The following DLGAP2 variants were observed in gnomAD, a reference collection of about 807,000 sequenced individuals.
The protein encoded by DLGAP2 is DLG associated protein 2.
A neutral mutation model predicts 100.3 loss-of-function variants in DLGAP2; 26 were observed. That is an observed-to-expected ratio of 0.26 (90% CI 0.19 to 0.36). DLGAP2 has a LOEUF of 0.36. DLGAP2 is among the 10% of genes least tolerant of loss of function. The pLI, the probability that DLGAP2 is intolerant of heterozygous loss-of-function variation, is 1.00. For missense variants in DLGAP2, 1,858 were observed against 1,453.2 expected (o/e 1.28, Z -4.53); for synonymous variants, 886 against 630.1 (o/e 1.41, Z -6.08).
intron 2 of DLGAP2, among the ~76,000 whole-genome samples, chr8:1,102,738 C>G (rs1275238354): frequency 1.3e-5 from 2 of 152,092 alleles, no homozygotes; most frequent in Non-Finnish European, 2.9e-5. Context: ...ACTCAGGAGC[C>G]TGGTGTCCTC....
At chr8:1,436,817 C>T (rs1797645994) in intron 3 of DLGAP2, among the ~76,000 whole-genome samples, 1 of 152,144 alleles carries the variant, frequency 6.6e-6, no homozygotes, top group African/African-American at 2.4e-5. Context: ...TGGTGAGTGT[C>T]CTCTGCAGAC....
At chr8:1,606,378 C>G (rs1187333371) in intron 6 of DLGAP2, among the ~76,000 whole-genome samples, 27 of 152,078 alleles carry the variant, frequency 1.8e-4, no homozygotes. Context: ...AACTTTACAC[C>G]AAAAAGAAAC....
intron 1 of DLGAP2, among the ~76,000 whole-genome samples, chr8:901,571 A>G (rs1159521463): frequency 1.3e-5 from 2 of 152,194 alleles, no homozygotes; most frequent in Non-Finnish European, 2.9e-5. Context: ...TGAGATGTGT[A>G]TTCTGAGGGC....
intron 1 of DLGAP2, among the ~76,000 whole-genome samples, chr8:760,691 A>G (rs970947218): frequency 1.3e-5 from 2 of 152,158 alleles, no homozygotes; most frequent in Non-Finnish European, 2.9e-5. Context: ...TGTGTTCTAG[A>G]AACTCACAAA....
intron 1 of DLGAP2, among the ~76,000 whole-genome samples, chr8:773,020 G>A (rs1251387705): frequency 6.6e-6 from 1 of 152,168 alleles, no homozygotes; most frequent in Non-Finnish European, 1.5e-5. Flanking sequence ...GGACACACTT[G>A]TTTATGCTGG....
chr8:1,365,018 G>A (rs539835252), intron 3 of DLGAP2, among the ~76,000 whole-genome samples: 35 of 152,300 alleles, frequency 2.3e-4, no homozygotes, highest in African/African-American at 7.2e-4. Flanking sequence ...TCAGAGACAC[G>A]CACAGCTAGG....
intron 3 of DLGAP2, among the ~76,000 whole-genome samples, chr8:1,294,865 T>C (rs1182257780): frequency 7.1e-6 from 1 of 140,598 alleles, no homozygotes; most frequent in Non-Finnish European, 1.6e-5. Context: ...CAAGATCTTG[T>C]CTCAAAACAA....
At chr8:1,445,782 C>G (rs1193527302) in intron 3 of DLGAP2, among the ~76,000 whole-genome samples, 2 of 152,196 alleles carry the variant, frequency 1.3e-5, no homozygotes, top group African/African-American at 2.4e-5. Flanking sequence ...GATTGCCATT[C>G]TAACTGGTGT....
intron 3 of DLGAP2, among the ~76,000 whole-genome samples, chr8:1,367,051 G>A (rs1563108577): frequency 6.6e-6 from 1 of 152,120 alleles, no homozygotes. Flanking sequence ...TGTGACCACA[G>A]ACCCCGGTAA....
At chr8:1,240,620 GCACATAGCGTCACGTCTAGTTCTCTCTCA>G (rs1563273989) in intron 2 of DLGAP2, among the ~76,000 whole-genome samples, 1 of 120,350 alleles carries the variant, frequency 8.3e-6, no homozygotes, top group Non-Finnish European at 1.7e-5. Context: ...GTTCTCTCTC[GCACATAGCGTCACGTCTAGTTCTCTCTCA>G]CACAGAGCAT....
At chr8:880,207 G>C (rs1797761174) in intron 1 of DLGAP2, among the ~76,000 whole-genome samples, 1 of 152,078 alleles carries the variant, frequency 6.6e-6, no homozygotes, top group Non-Finnish European at 1.5e-5. Context: ...CCTTCTCTTA[G>C]GTTTGTTCCT....
In DLGAP2 at chr8:1,026,412, C is replaced by G. The variant is rs1052363849; in HGVS notation, c.73+118446C>G. On this transcript the variant is annotated intron_variant, in intron 2 of 14. Coordinates refer to ENST00000637795, the MANE Select transcript of DLGAP2 (RefSeq NM_001346810.2). ...GTCTGGCTTTGTGGACGAGGACGCC[C>G]GCCGCCTTGGCTGCACCCTGGAATG... Among the ~76,000 whole-genome samples the G allele has an allele frequency of 3.3e-5, 5 of 152,278 alleles. No individual in the cohort carries two copies. The South Asian group carries it at 1.0e-3, about 32-fold the overall frequency.
chr8:1,628,874 G>C (rs1029468085), intron 7 of DLGAP2, among the ~76,000 whole-genome samples: 1 of 152,286 alleles, frequency 6.6e-6, no homozygotes, highest in Non-Finnish European at 1.5e-5. Context: ...CAAGGCCTGG[G>C]CTTTCTGTGC....
intron 6 of DLGAP2, among the ~76,000 whole-genome samples, chr8:1,586,474 C>T (rs1004537197): frequency 6.6e-6 from 1 of 152,218 alleles, no homozygotes; most frequent in Non-Finnish European, 1.5e-5. Flanking sequence ...CCTTCCTCTT[C>T]TGCTTTCAAT....
At chr8:1,343,031 T>A (rs1336870109) in intron 3 of DLGAP2, among the ~76,000 whole-genome samples, 1 of 152,218 alleles carries the variant, frequency 6.6e-6, no homozygotes, top group Admixed American at 6.5e-5. Flanking sequence ...TCTTGCCACA[T>A]TAATTTCTGT....
intron 3 of DLGAP2, among the ~76,000 whole-genome samples, chr8:1,335,126 G>A (rs1469857807): frequency 6.6e-6 from 1 of 152,174 alleles, no homozygotes; most frequent in Admixed American, 6.5e-5. Context: ...TCCAAGACAC[G>A]GTGGTTGAGT....
At chr8:749,358 C>T (rs1025919545) in intron 1 of DLGAP2, among the ~76,000 whole-genome samples, 3 of 152,194 alleles carry the variant, frequency 2.0e-5, no homozygotes, top group Non-Finnish European at 4.4e-5. Flanking sequence ...TATTACAAGT[C>T]AGCAATAATT....
intron 1 of DLGAP2, among the ~76,000 whole-genome samples, chr8:861,923 A>T (rs915021760): frequency 1.3e-5 from 2 of 152,226 alleles, no homozygotes. Flanking sequence ...AGTAAATGCA[A>T]ATTGTCCTCT....
At chr8:1,371,944 G>T (rs536113444) in intron 3 of DLGAP2, among the ~76,000 whole-genome samples, 1 of 152,252 alleles carries the variant, frequency 6.6e-6, no homozygotes, top group Non-Finnish European at 1.5e-5. Context: ...TCTGAAAAGA[G>T]AGCCAGGGAG....
Sources: gnomAD v4.1 joint callset for allele counts (sites outside exome capture counted in the v4.1 genomes callset) on GRCh38, gnomAD v4.1.1 for gene constraint, MANE v1.5 for transcripts, NCBI Gene and HGNC (gene_info 2026-07-23, HGNC 2026-07-21) for gene names.